Variants in PRMT9 observed in about 807,000 individuals in gnomAD.
The protein encoded by PRMT9 is protein arginine methyltransferase 9, also known as protein arginine N-methyltransferase 9.
A neutral mutation model predicts 83.2 loss-of-function variants in PRMT9; 59 were observed. The ratio of observed to expected loss-of-function variants is 0.71; its 90% confidence interval spans 0.57 to 0.88. PRMT9 has a LOEUF of 0.88. Among genes scored for constraint, PRMT9 ranks in the 40% least tolerant of loss-of-function variants. The pLI, the probability that PRMT9 is intolerant of heterozygous loss-of-function variation, is 0.00. For missense variants in PRMT9, 947 were observed against 1,021.9 expected (o/e 0.93, Z 1.00); for synonymous variants, 333 against 353.2 (o/e 0.94, Z 0.64).
intron 6 of PRMT9, among the ~76,000 whole-genome samples, chr4:147,664,419 C>T (rs1296498941): frequency 1.3e-5 from 2 of 152,144 alleles, no homozygotes; most frequent in Non-Finnish European, 2.9e-5. Flanking sequence ...TCTCTCATGT[C>T]ACTGACATTT....
In PRMT9 at chr4:147,683,949, C is replaced by G. The variant is rs541196756; in HGVS notation, c.39G>C (p.Gly13=). The change falls in exon 1 of 12, where the codon GGG becomes GGC. Residue 13 remains glycine, a synonymous_variant. Transcript: ENST00000322396. ...CCCGGCCGGCTGCCCCAGCGCCACC[C>G]CCGGCGTCTCGGCGGGACCTGGGCC... ...NSRPRSRRDA[G]GGAGAAGRDE... 6.2e-7 allele frequency: 1 copy of G among 1,612,978 alleles called. No homozygotes were observed. The highest frequency in any genetic ancestry group is 2.2e-5 in the East Asian group (1 of 44,862).
intron 8 of PRMT9, among the ~76,000 whole-genome samples, chr4:147,657,087 TTA>T (rs1238879399): frequency 6.6e-6 from 1 of 152,050 alleles, no homozygotes; most frequent in African/African-American, 2.4e-5. Context: ...AATTTTGTGC[TTA>T]TATGAGTGTG....
chr4:147,682,396 G>A (rs1256856047), intron 1 of PRMT9, among the ~76,000 whole-genome samples: 4 of 152,154 alleles, frequency 2.6e-5, no homozygotes, highest in African/African-American at 9.6e-5. Flanking sequence ...GGCTGGTCTC[G>A]AACTACTGAC....
chr4:147,640,486 T>C (rs1418197036), intron 10 of PRMT9, among the ~76,000 whole-genome samples: 1 of 152,112 alleles, frequency 6.6e-6, no homozygotes, highest in Non-Finnish European at 1.5e-5. Flanking sequence ...CCCCAAGCTA[T>C]TTCATCCAGT....
At chr4:147,681,261 T>C (rs778682514) in intron 1 of PRMT9, among the ~76,000 whole-genome samples, 2 of 152,198 alleles carry the variant, frequency 1.3e-5, no homozygotes, top group Admixed American at 1.3e-4. Context: ...TTCCCACAGT[T>C]ACAACCTAAT....
chr4:147,673,506 G>T, intron 3 of PRMT9, 132 bp downstream of exon 3: 1 of 718,050 alleles, frequency 1.4e-6, no homozygotes, highest in Non-Finnish European at 2.4e-6. Flanking sequence ...AAACATAATA[G>T]TTACATAAAT....
Position 147,638,439 on chromosome 4 carries a change from T to A in PRMT9, c.*93A>T, listed in dbSNP as rs2126561029. ...TCAATTTTAAAAAATATTTGACCAT[T>A]ACAAGGAATTTTTATATACCCCCAC... On this transcript the variant is annotated 3_prime_UTR_variant, in exon 12 of 12. Coordinates refer to ENST00000322396, the MANE Select transcript of PRMT9 (RefSeq NM_138364.4). 1 of 891,688 alleles carries A rather than the reference T, an allele frequency of 1.1e-6. No homozygotes were observed. Among genetic ancestry groups the A allele is most frequent in the South Asian group, 1.4e-5 (1 of 73,646 alleles). The allele number at this position is 891,688 out of a possible 1,614,324, so 55.2% of individuals were successfully genotyped here.
intron 7 of PRMT9, among the ~76,000 whole-genome samples, chr4:147,660,177 G>A (rs571573938): frequency 1.3e-4 from 20 of 152,232 alleles, no homozygotes; most frequent in Non-Finnish European, 7.4e-5. Flanking sequence ...AATAACTTGG[G>A]GGGAAATTAT....
rs1386881603 is a variant in PRMT9 at position 147,653,883 on chromosome 4, G to A, written c.2014C>T (p.Gln672Ter). ...ATTGCAGCTTTTTCCATTATTTCCT[G>A]CTGAATGAGCCCAGATGGCTCAATG... Reference protein sequence around the residue: ...DVIEPSGLIQQEIMEKAAISR... With the variant: ...DVIEPSGLIQ The change falls in exon 9 of 12, where the codon CAG becomes TAG. Residue 672 changes from glutamine (Q) to a stop codon, truncating the protein, a stop_gained. Transcript: ENST00000322396. LOFTEE classifies it high-confidence loss of function. The A allele has an allele frequency of 1.2e-6, 2 of 1,613,030 alleles. No homozygotes were observed. Among genetic ancestry groups the A allele is most frequent in the Non-Finnish European group, 1.7e-6 (2 of 1,179,708 alleles).
intron 1 of PRMT9, among the ~76,000 whole-genome samples, chr4:147,682,706 C>G (rs942519973): frequency 2.6e-5 from 4 of 152,236 alleles, no homozygotes; most frequent in African/African-American, 4.8e-5. Flanking sequence ...GAGGAAAGAT[C>G]ACTTGAGTTG....
At position 147,654,025 on chromosome 4, in the gene PRMT9, T is replaced by C; in HGVS notation, c.1872A>G (p.Glu624=). 2 of 1,614,240 alleles carry C rather than the reference T, an allele frequency of 1.2e-6. No individual in the cohort carries two copies. Among genetic ancestry groups the C allele is most frequent in the Middle Eastern group, 1.6e-4 (1 of 6,062 alleles). ...QHRIALDLIS[E]ANHFPKETLE... Reference sequence around the variant, plus strand: ...GTGTTTCTTTAGGAAAGTGATTGGCTTCAGATATGAGGTCCAGAGCAATAC... The same window carrying C: ...GTGTTTCTTTAGGAAAGTGATTGGCCTCAGATATGAGGTCCAGAGCAATAC... The change falls in exon 9 of 12, where the codon GAA becomes GAG. Residue 624 remains glutamate (E), a synonymous_variant. Transcript: ENST00000322396.
chr4:147,656,264 C>T (rs777559941), intron 8 of PRMT9, among the ~76,000 whole-genome samples: 5 of 151,872 alleles, frequency 3.3e-5, no homozygotes, highest in Non-Finnish European at 7.4e-5. Flanking sequence ...GTATTAACTT[C>T]CAGTTTAAGA....
At position 147,672,843 on chromosome 4, in the gene PRMT9, T is replaced by C. The variant is rs546595189; in HGVS notation, c.743+116A>G. The C allele has an allele frequency of 8.2e-6, 6 of 730,560 alleles. No homozygotes were observed. In the Admixed American group the frequency reaches 1.3e-4, roughly 15 times the overall value. The allele number at this position is 730,560 out of a possible 1,614,324, so 45.3% of individuals were successfully genotyped here. ...AATAAACTATCTTATCCTATATCCATATCTTTACAAAATAAGGGTTTTGTA... is the reference window on the plus strand; with the variant it reads ...AATAAACTATCTTATCCTATATCCACATCTTTACAAAATAAGGGTTTTGTA... On this transcript the variant is annotated intron_variant, in intron 4 of 11. Coordinates refer to ENST00000322396, the MANE Select transcript of PRMT9 (RefSeq NM_138364.4).
intron 9 of PRMT9, among the ~76,000 whole-genome samples, chr4:147,648,473 T>C (rs577138979): frequency 2.0e-5 from 3 of 152,228 alleles, no homozygotes; most frequent in African/African-American, 4.8e-5. Context: ...GCTTACTCTA[T>C]GCATCTCTTC....
intron 9 of PRMT9, among the ~76,000 whole-genome samples, chr4:147,651,947 A>G (rs1471173274): frequency 6.6e-6 from 1 of 152,226 alleles, no homozygotes; most frequent in African/African-American, 2.4e-5. Context: ...AAAATGACTG[A>G]CTAAATTTTA....
At chr4:147,667,260 T>C (rs1343080977) in intron 6 of PRMT9, among the ~76,000 whole-genome samples, 2 of 152,218 alleles carry the variant, frequency 1.3e-5, no homozygotes, top group Non-Finnish European at 2.9e-5. Flanking sequence ...AGTGCAAAGA[T>C]GTTTATCCTA....
intron 9 of PRMT9, among the ~76,000 whole-genome samples, chr4:147,652,458 A>C (rs563048626): frequency 2.5e-4 from 38 of 152,064 alleles, no homozygotes; most frequent in East Asian, 9.7e-4. Context: ...CTCAAACAAA[A>C]AAAAAAAATC....
At chr4:147,673,939 G>T in intron 2 of PRMT9, 65 bp from the exon 3 acceptor site, 1 of 1,274,950 alleles carries the variant, frequency 7.8e-7, no homozygotes, top group Non-Finnish European at 1.1e-6. Context: ...CAGTACCTTT[G>T]TTTATGCCAC....
chr4:147,644,222 G>C (rs962322812), intron 9 of PRMT9, among the ~76,000 whole-genome samples: 7 of 151,674 alleles, frequency 4.6e-5, no homozygotes, highest in Admixed American at 2.6e-4. Flanking sequence ...GTTTTTTCCT[G>C]AACAATTTAG....
Sources: allele counts gnomAD v4.1 joint callset (sites outside exome capture counted in the v4.1 genomes callset), GRCh38; gene constraint gnomAD v4.1.1; transcripts MANE v1.5; gene names NCBI Gene and HGNC (gene_info 2026-07-23, HGNC 2026-07-21).